Variants in ODAD2 observed in about 807,000 individuals in gnomAD.
ODAD2 encodes outer dynein arm docking complex subunit 2, also known as outer dynein arm-docking complex subunit 2.
In ODAD2, 89 loss-of-function variants were observed where a neutral mutation model predicts 106.8. The observed-to-expected ratio is 0.83, with a 90% CI of 0.70 to 0.99. The LOEUF (loss-of-function observed/expected upper bound fraction) is 0.99, where lower values mean the gene tolerates loss of function less well. Among genes scored for constraint, ODAD2 ranks in the 50% least tolerant of loss-of-function variants. The probability of loss-of-function intolerance (pLI) is 0.00; values close to 1 mark genes in which losing one functional copy is unlikely to be tolerated. For synonymous variants in ODAD2, 404 were observed against 436.2 expected (o/e 0.93, Z 0.92); for missense variants, 1,168 against 1,238.5 (o/e 0.94, Z 0.85).
intron 17 of ODAD2, among the ~76,000 whole-genome samples, chr10:27,902,780 A>C (rs1376669187): frequency 1.3e-5 from 2 of 152,108 alleles, no homozygotes; most frequent in Non-Finnish European, 1.5e-5. Context: ...GACCAATAAC[A>C]AGTTCTGAAA....
chr10:27,821,372 T>C (rs1193316116), intron 19 of ODAD2, among the ~76,000 whole-genome samples: 2 of 152,210 alleles, frequency 1.3e-5, no homozygotes, highest in African/African-American at 4.8e-5. Flanking sequence ...GTTTTACAAA[T>C]TGAATAAGGT....
rs545705815 is a variant in ODAD2 at position 27,884,992 on chromosome 10, C to T, written c.2611-22370G>A. ...AGAGAAGTGGCTGTTTCTTTAAATGCCCAGTTTTCAACAGAAGATCTGAAG... is the reference window on the plus strand; with the variant it reads ...AGAGAAGTGGCTGTTTCTTTAAATGTCCAGTTTTCAACAGAAGATCTGAAG... On this transcript the variant is annotated intron_variant, in intron 17 of 19. Transcript: ENST00000305242. Among the ~76,000 whole-genome samples the T allele has an allele frequency of 3.3e-5, 5 of 151,976 alleles. No homozygotes were observed. In the East Asian group the frequency reaches 7.8e-4, roughly 24 times the overall value.
At chr10:27,950,301 T>A (rs1176362024) in intron 10 of ODAD2, among the ~76,000 whole-genome samples, 3 of 152,174 alleles carry the variant, frequency 2.0e-5, no homozygotes, top group Non-Finnish European at 4.4e-5. Flanking sequence ...TGGTACAAAG[T>A]GAGTGCTCAC....
chr10:27,944,760 G>C lies in ODAD2; in HGVS notation c.1533+56C>G, dbSNP rs551481802. On this transcript the variant is annotated intron_variant, in intron 11 of 19. Coordinates refer to ENST00000305242, the MANE Select transcript of ODAD2 (RefSeq NM_018076.5). ...CATGGCAGAAACCTAGAGCTAAGAA[G>C]AGAGCCCAGGAAGGTGGGAACAAGA... is the stretch of plus-strand genomic sequence containing the variant. 5 of 1,607,436 alleles carry C rather than the reference G, an allele frequency of 3.1e-6. No individual in the cohort carries two copies. In the East Asian group the frequency reaches 1.1e-4, roughly 36 times the overall value.
intron 17 of ODAD2, among the ~76,000 whole-genome samples, chr10:27,863,115 G>A (rs1023793520): frequency 3.3e-5 from 5 of 152,110 alleles, no homozygotes; most frequent in African/African-American, 1.2e-4. Flanking sequence ...GAAGACACCT[G>A]ATTTCATATA....
Position 27,971,251 on chromosome 10 carries a change from C to G in ODAD2, c.999G>C (p.Lys333Asn). 1 of 1,613,702 alleles carries G rather than the reference C, an allele frequency of 6.2e-7. No homozygotes were observed. The highest frequency in any genetic ancestry group is 8.5e-7 in the Non-Finnish European group (1 of 1,179,808). Residue 333 changes from lysine to asparagine, a missense_variant, in exon 8 of 20, where the codon AAG becomes AAC. Lys to Asn is a moderately conservative substitution (Grantham distance 94). This residue lies in a region of ODAD2 where 430 missense variants were observed against 452.2 expected (regional missense o/e 0.95). Transcript: ENST00000305242. ...EKDQLGKAPKKEEAAALRKDI... is the reference protein window; with the variant it reads ...EKDQLGKAPKNEEAAALRKDI... ...CTTTGCGGAGGGCAGCTGCTTCTTC[C>G]TTCTTGGGGGCTTTGCCAAGCTGAT...
Position 27,959,311 on chromosome 10 carries a change from A to G in ODAD2, c.1386+2257T>C, listed in dbSNP as rs1847955924. 2.0e-5 allele frequency among the ~76,000 whole-genome samples: 3 copies of G among 151,620 alleles called. No individual in the cohort carries two copies. In the South Asian group the frequency reaches 6.3e-4, roughly 32 times the overall value. On this transcript the variant is annotated intron_variant, in intron 10 of 19. Transcript: ENST00000305242. ...AGAAAGGAAGGCAGGCTAAGCCCCA[A>G]TGGCCCTGTCTAGAGCTGCCCACCT...
At chr10:27,919,079 T>G (rs1844595192) in intron 16 of ODAD2, among the ~76,000 whole-genome samples, 1 of 151,982 alleles carries the variant, frequency 6.6e-6, no homozygotes, top group South Asian at 2.1e-4. Flanking sequence ...ACCTCATTAA[T>G]GGATTGGCAG....
At chr10:27,916,603 G>A (rs183466037) in intron 16 of ODAD2, among the ~76,000 whole-genome samples, 10 of 152,188 alleles carry the variant, frequency 6.6e-5, no homozygotes, top group African/African-American at 2.2e-4. Context: ...TGTTCAACGT[G>A]AAGATGACCA....
At chr10:27,821,336 C>A (rs939105441) in intron 19 of ODAD2, among the ~76,000 whole-genome samples, 1 of 152,076 alleles carries the variant, frequency 6.6e-6, no homozygotes, top group Non-Finnish European at 1.5e-5. Context: ...TTGTTATACA[C>A]CCAGAGGGGC....
chr10:27,867,000 C>A (rs74127133), intron 17 of ODAD2, among the ~76,000 whole-genome samples: 8,563 of 151,510 alleles, frequency 0.057, 814 homozygotes, highest in African/African-American at 0.2. Flanking sequence ...CTCAAGAAAA[C>A]CGGGAGGAAT....
chr10:27,984,858 T>C (rs1588662874), intron 4 of ODAD2, among the ~76,000 whole-genome samples, 161 bp downstream of exon 4: 1 of 152,042 alleles, frequency 6.6e-6, no homozygotes. Flanking sequence ...TGTAACTAAT[T>C]TTTAAAGGTT....
chr10:27,863,554 C>T (rs964509058), intron 17 of ODAD2, among the ~76,000 whole-genome samples: 1 of 152,056 alleles, frequency 6.6e-6, no homozygotes, highest in East Asian at 1.9e-4. Flanking sequence ...TAATGTGGAT[C>T]GACTTTATAT....
intron 2 of ODAD2, among the ~76,000 whole-genome samples, chr10:27,988,178 A>G (rs1849996470): frequency 6.6e-6 from 1 of 151,610 alleles, no homozygotes; most frequent in Non-Finnish European, 1.5e-5. Context: ...CATTTTAATG[A>G]TTTTTTTCAG....
In ODAD2 at chr10:27,978,051, T is replaced by C. The variant is rs376752212; in HGVS notation, c.936+3415A>G. On this transcript the variant is annotated intron_variant, in intron 7 of 19. Transcript: ENST00000305242. ...AACTATATGATCATACAAATCCTTGTACAAAAATGTTCTTAGTAGTTTTAT... is the reference window on the plus strand; with the variant it reads ...AACTATATGATCATACAAATCCTTGCACAAAAATGTTCTTAGTAGTTTTAT... Among the ~76,000 whole-genome samples, 20 of 152,240 alleles carry C rather than the reference T, an allele frequency of 1.3e-4. 2 individuals carry two copies. Among genetic ancestry groups the C allele is most frequent in the Admixed American group, 1.0e-3 (16 of 15,282 alleles).
At chr10:27,995,413 T>G (rs1850501272) in intron 1 of ODAD2, among the ~76,000 whole-genome samples, 1 of 152,202 alleles carries the variant, frequency 6.6e-6, no homozygotes, top group Non-Finnish European at 1.5e-5. Flanking sequence ...AATTAATAAC[T>G]TCTTTCTAAT....
At chr10:27,958,851 G>T (rs1330631894) in intron 10 of ODAD2, 2 of 1,303,710 alleles carry the variant, frequency 1.5e-6, no homozygotes, top group Non-Finnish European at 1.0e-6. Flanking sequence ...AGGCCATTGA[G>T]TAAGCGGCAG....
chr10:27,949,956 T>C (rs1003783562), intron 10 of ODAD2, among the ~76,000 whole-genome samples: 2 of 152,062 alleles, frequency 1.3e-5, no homozygotes, highest in African/African-American at 4.8e-5. Flanking sequence ...AGGGTCATCA[T>C]TTGAAGTTAT....
chr10:27,880,139 T>A (rs1268442976), intron 17 of ODAD2, among the ~76,000 whole-genome samples: 3 of 152,182 alleles, frequency 2.0e-5, no homozygotes, highest in Non-Finnish European at 4.4e-5. Flanking sequence ...AATCCCTGTA[T>A]CTTTAACAAG....
Sources: gnomAD v4.1 joint callset for allele counts (sites outside exome capture counted in the v4.1 genomes callset) on GRCh38, gnomAD v4.1.1 for gene constraint, gnomAD v4.1.1 regional missense constraint, MANE v1.5 for transcripts, NCBI Gene and HGNC (gene_info 2026-07-23, HGNC 2026-07-21) for gene names.